Variants in KCNK3 observed in about 807,000 individuals in gnomAD.
KCNK3 encodes the protein potassium channel subfamily K member 3.
In KCNK3, 9 loss-of-function variants were observed where a neutral mutation model predicts 27.3. The observed-to-expected ratio is 0.33, with a 90% CI of 0.20 to 0.57. The LOEUF is 0.57. KCNK3 is among the 20% of genes least tolerant of loss of function. The pLI is 0.87. For synonymous variants in KCNK3, 278 were observed against 273.8 expected (o/e 1.02, Z -0.15); for missense variants, 391 against 577.7 (o/e 0.68, Z 3.31).
In KCNK3 at chr2:26,733,336, G is replaced by T. The variant is rs540383224; in HGVS notation, c.*4768G>T. The T allele has an allele frequency of 6.6e-6, 1 of 152,318 alleles. No individual in the cohort carries two copies. Among genetic ancestry groups the T allele is most frequent in the Admixed American group, 6.5e-5 (1 of 15,306 alleles). 9.4% of individuals were successfully genotyped at this position (152,318 alleles called of 1,614,324 possible). On this transcript the variant is annotated 3_prime_UTR_variant, in exon 2 of 2. Coordinates refer to ENST00000302909, the MANE Select transcript of KCNK3 (RefSeq NM_002246.3). The stretch of plus-strand genomic sequence containing the variant: ...AATGGTTCGTTGGTCAAATGAATTT[G>T]GGAAAATGCTGTCAATATCACCGAC...
intron 1 of KCNK3, among the ~76,000 whole-genome samples, chr2:26,704,889 T>G (rs1029570379): frequency 2.2e-4 from 33 of 152,210 alleles, no homozygotes; most frequent in African/African-American, 7.2e-4. Context: ...CATCAGGAGG[T>G]TACTCTGGAC....
chr2:26,692,748 G>C lies in KCNK3; in HGVS notation c.-128G>C, dbSNP rs868836533. On this transcript the variant is annotated 5_prime_UTR_variant, in exon 1 of 2. Coordinates refer to ENST00000302909, the MANE Select transcript of KCNK3 (RefSeq NM_002246.3). The surrounding 1 kb of genome is among the most constrained non-coding windows in gnomAD (Gnocchi z 5.6). Reference sequence around the variant, plus strand: ...GCGGCGGCGGCCCCGGGCGCTGAGCGGGTGCCCGGCGCGGAGAGCGGCGAG... The same window carrying C: ...GCGGCGGCGGCCCCGGGCGCTGAGCCGGTGCCCGGCGCGGAGAGCGGCGAG... The C allele has an allele frequency of 6.4e-3, 2,492 of 390,026 alleles. 15 individuals are homozygous for C. Among genetic ancestry groups the C allele is most frequent in the Middle Eastern group, 0.014 (11 of 788 alleles). 24.2% of individuals were successfully genotyped at this position (390,026 alleles called of 1,614,324 possible). A position where few individuals can be genotyped will look rare whatever the true frequency, so the allele number is the denominator to read the frequency against.
In KCNK3 at chr2:26,713,960, C is replaced by T. The variant is rs139010677; in HGVS notation, c.284-13707C>T. On this transcript the variant is annotated intron_variant, in intron 1 of 1. Coordinates refer to ENST00000302909, the MANE Select transcript of KCNK3 (RefSeq NM_002246.3). The stretch of plus-strand genomic sequence containing the variant: ...GCGTGGTAGTGGGCACCTGTAATCC[C>T]AGCTACTCTGGAGGCTGAGGCAGGA... 2.6e-3 allele frequency among the ~76,000 whole-genome samples: 395 copies of T among 151,706 alleles called. 3 individuals carry two copies. Among genetic ancestry groups the T allele is most frequent in the African/African-American group, 9.1e-3 (378 of 41,358 alleles).
At position 26,728,224 on chromosome 2, in the gene KCNK3, A is replaced by T. The variant is rs1335019911; in HGVS notation, c.841A>T (p.Thr281Ser). 1 of 1,566,066 alleles carries T rather than the reference A, an allele frequency of 6.4e-7. No individual in the cohort carries two copies. Among genetic ancestry groups the T allele is most frequent in the Non-Finnish European group, 8.7e-7 (1 of 1,155,336 alleles). ...GGGGGGGSAHTTDTASSTAAA... is the reference protein window; with the variant it reads ...GGGGGGGSAHSTDTASSTAAA... ...CGGCGGAGGGGGTGGCAGCGCGCAC[A>T]CTACGGACACCGCCTCATCCACGGC... The change falls in exon 2 of 2, where the codon ACT becomes TCT. Residue 281 changes from threonine (T) to serine (S), a missense_variant. By Grantham distance (58) the Thr-to-Ser change is moderately conservative. Around this residue, in one of 4 missense-constraint regions of KCNK3, gnomAD observed 192 missense variants for 196.0 expected, o/e 0.98. Coordinates refer to ENST00000302909, the MANE Select transcript of KCNK3 (RefSeq NM_002246.3).
chr2:26,700,629 C>T (rs1272197362), intron 1 of KCNK3, among the ~76,000 whole-genome samples: 4 of 152,178 alleles, frequency 2.6e-5, no homozygotes, highest in Non-Finnish European at 4.4e-5. Context: ...CATGTGGCTG[C>T]CAGGAATGTG....
Position 26,694,000 on chromosome 2 carries a change from G to T in KCNK3, c.283+842G>T, listed in dbSNP as rs1479389584. On this transcript the variant is annotated intron_variant, in intron 1 of 1. Coordinates refer to ENST00000302909, the MANE Select transcript of KCNK3 (RefSeq NM_002246.3). The surrounding 1 kb of genome is among the most constrained non-coding windows in gnomAD (Gnocchi z 5.5). ...ACACAGAGAGAGAGACAGAGAGAGA[G>T]AGAGAGAACAAACGTTGCCCAGGAA... 6.6e-6 allele frequency among the ~76,000 whole-genome samples: 1 copy of T among 152,124 alleles called. No homozygotes were observed. The highest frequency in any genetic ancestry group is 2.1e-4 in the South Asian group (1 of 4,822).
chr2:26,722,126 G>C (rs1663339252), intron 1 of KCNK3, among the ~76,000 whole-genome samples: 1 of 152,206 alleles, frequency 6.6e-6, no homozygotes, highest in African/African-American at 2.4e-5. Context: ...TCCTGGCCTT[G>C]ATCGACCTTG....
chr2:26,723,407 A>G (rs1042759252), intron 1 of KCNK3, among the ~76,000 whole-genome samples: 1 of 152,120 alleles, frequency 6.6e-6, no homozygotes, highest in Admixed American at 6.5e-5. Flanking sequence ...GCTGCCCTAA[A>G]ATATTTACAC....
In KCNK3 at chr2:26,725,544, C is replaced by T. The variant is rs60923886; in HGVS notation, c.284-2123C>T. Among the ~76,000 whole-genome samples, 1,102 of 152,260 alleles carry T rather than the reference C, an allele frequency of 7.2e-3. 18 individuals are homozygous for T. Among genetic ancestry groups the T allele is most frequent in the African/African-American group, 0.025 (1,034 of 41,540 alleles). Reference sequence around the variant, plus strand: ...TGCCGGCCTGGAGGACAGGGAAGGACGGGATGAGAAGCAGCTCTGGCTCAG... The same window carrying T: ...TGCCGGCCTGGAGGACAGGGAAGGATGGGATGAGAAGCAGCTCTGGCTCAG... On this transcript the variant is annotated intron_variant, in intron 1 of 1. Coordinates refer to ENST00000302909, the MANE Select transcript of KCNK3 (RefSeq NM_002246.3).
At position 26,728,004 on chromosome 2, in the gene KCNK3, G is replaced by A. The variant is rs199986870; in HGVS notation, c.621G>A (p.Ala207=). 59 of 1,614,248 alleles carry A rather than the reference G, an allele frequency of 3.7e-5. 1 individual carries two copies. The South Asian group carries it at 5.8e-4, about 16-fold the overall frequency. The part of the protein sequence containing the change: ...LTTIGFGDYV[A]LQKDQALQTQ... ...CCATCGGCTTCGGCGACTACGTGGC[G>A]CTGCAGAAGGACCAGGCCCTGCAGA... The change falls in exon 2 of 2, where the codon GCG becomes GCA. Residue 207 remains alanine, a synonymous_variant. Transcript: ENST00000302909.
Position 26,692,873 on chromosome 2 carries a change from A to T in KCNK3, c.-3A>T, listed in dbSNP as rs1388138384. The T allele has an allele frequency of 7.6e-7, 1 of 1,313,760 alleles. No individual in the cohort carries two copies. Among genetic ancestry groups the T allele is most frequent in the Non-Finnish European group, 9.8e-7 (1 of 1,024,110 alleles). 81.4% of individuals were successfully genotyped at this position (1,313,760 alleles called of 1,614,324 possible). On this transcript the variant is annotated 5_prime_UTR_variant, in exon 1 of 2. Coordinates refer to ENST00000302909, the MANE Select transcript of KCNK3 (RefSeq NM_002246.3). The surrounding 1 kb of genome is among the most constrained non-coding windows in gnomAD (Gnocchi z 5.6). ...GGGGGCCGGCGGCGGCCCGGGCGGG[A>T]CGATGAAGCGGCAGAACGTGCGCAC... is the stretch of plus-strand genomic sequence containing the variant.
At chr2:26,722,106 A>G (rs1057433236) in intron 1 of KCNK3, among the ~76,000 whole-genome samples, 10 of 152,220 alleles carry the variant, frequency 6.6e-5, no homozygotes, top group African/African-American at 1.2e-4. Context: ...GTGGGAAGAC[A>G]GGCACCTTTT....
At position 26,709,303 on chromosome 2, in the gene KCNK3, C is replaced by A. The variant is rs368569796; in HGVS notation, c.283+16145C>A. 2.1e-4 allele frequency among the ~76,000 whole-genome samples: 32 copies of A among 152,232 alleles called. 1 individual carries two copies. In the South Asian group the frequency reaches 6.2e-3, roughly 30 times the overall value. ...GATAGAAATAATATTGAAAGTCATG[C>A]GCCAGATGAGATCAGCTGGGAAGGG... is the stretch of plus-strand genomic sequence containing the variant. On this transcript the variant is annotated intron_variant, in intron 1 of 1. Transcript: ENST00000302909.
At chr2:26,699,746 G>T (rs1046193064) in intron 1 of KCNK3, among the ~76,000 whole-genome samples, 4 of 152,144 alleles carry the variant, frequency 2.6e-5, no homozygotes, top group African/African-American at 7.2e-5. Context: ...TCTGTAACAG[G>T]TCGGGTGCTG....
At position 26,730,010 on chromosome 2, in the gene KCNK3, G is replaced by A. The variant is rs1392344626; in HGVS notation, c.*1442G>A. The A allele has an allele frequency of 6.6e-6, 1 of 152,250 alleles. No individual in the cohort carries two copies. The highest frequency in any genetic ancestry group is 1.5e-5 in the Non-Finnish European group (1 of 68,094). The allele number at this position is 152,250 out of a possible 1,614,324, so 9.4% of individuals were successfully genotyped here. ...CCAGAATCAGAAGTCCCGGATCAGA[G>A]GGCACTGCTGAGGTTCAGCCTCTTC... On this transcript the variant is annotated 3_prime_UTR_variant, in exon 2 of 2. Coordinates refer to ENST00000302909, the MANE Select transcript of KCNK3 (RefSeq NM_002246.3).
At position 26,728,392 on chromosome 2, in the gene KCNK3, G is replaced by T; in HGVS notation, c.1009G>T (p.Asp337Tyr). Reference sequence around the variant, plus strand: ...CATCCCGCGGGACCTCTCCACGTCCGACACGTGCGTGGAGCAGAGCCACTC... The same window carrying T: ...CATCCCGCGGGACCTCTCCACGTCCTACACGTGCGTGGAGCAGAGCCACTC... ...MIIPRDLSTS[D>Y]TCVEQSHSSP... The change falls in exon 2 of 2, where the codon GAC becomes TAC. Residue 337 changes from aspartate (D) to tyrosine (Y), a missense_variant. By Grantham distance (160) the Asp-to-Tyr change is radical (BLOSUM62 -3). Transcript: ENST00000302909. 1 of 1,606,988 alleles carries T rather than the reference G, an allele frequency of 6.2e-7. No homozygotes were observed. Among genetic ancestry groups the T allele is most frequent in the Non-Finnish European group, 8.5e-7 (1 of 1,176,980 alleles).
intron 1 of KCNK3, among the ~76,000 whole-genome samples, chr2:26,717,408 G>T (rs1027838461): frequency 6.6e-6 from 1 of 152,254 alleles, no homozygotes; most frequent in Admixed American, 6.5e-5. Context: ...AAAGGCCTGG[G>T]AGTGTAAATG....
intron 1 of KCNK3, among the ~76,000 whole-genome samples, chr2:26,704,072 T>A (rs1670340287): frequency 6.6e-6 from 1 of 152,160 alleles, no homozygotes; most frequent in East Asian, 1.9e-4. Flanking sequence ...TGCCCTGTGA[T>A]TCCAGTTGAA....
chr2:26,716,135 A>T (rs1441604876), intron 1 of KCNK3, among the ~76,000 whole-genome samples: 1 of 152,216 alleles, frequency 6.6e-6, no homozygotes, highest in Non-Finnish European at 1.5e-5. Context: ...TGGTGTGAAG[A>T]GTCCCGGGGC....
Sources: gnomAD v4.1 joint callset for allele counts (sites outside exome capture counted in the v4.1 genomes callset) on GRCh38, gnomAD v4.1.1 for gene constraint, gnomAD v4.1.1 regional missense constraint, Gnocchi (gnomAD v3.1) non-coding constraint, MANE v1.5 for transcripts, NCBI Gene and HGNC (gene_info 2026-07-23, HGNC 2026-07-21) for gene names.